RAB33B: variants seen among roughly 807,000 people sequenced by gnomAD.
The protein encoded by RAB33B is RAB33B, member RAS oncogene family, also known as ras-related protein Rab-33B.
Under a neutral mutation model 15.0 loss-of-function variants are expected in RAB33B, and 6 were observed. That is an observed-to-expected ratio of 0.40 (90% CI 0.22 to 0.79). The LOEUF is 0.79. Among genes scored for constraint, RAB33B ranks in the 30% least tolerant of loss-of-function variants. RAB33B has a pLI of 0.37. For missense variants in RAB33B, 257 were observed against 296.4 expected, an observed-to-expected ratio of 0.87 and a Z score of 0.98; for synonymous variants, 117 against 108.3, an observed-to-expected ratio of 1.08 and a Z score of -0.50.
intron 1 of RAB33B, among the ~76,000 whole-genome samples, chr4:139,466,063 T>C (rs1320300447): frequency 6.6e-6 from 1 of 152,152 alleles, no homozygotes; most frequent in African/African-American, 2.4e-5. Context: ...CAAGCTGGTT[T>C]CAAACTCCTG....
At chr4:139,448,402 T>C (rs1749863516), upstream of RAB33B, 1 of 152,246 alleles carries the variant, frequency 6.6e-6, no homozygotes, top group Non-Finnish European at 1.5e-5. Flanking sequence ...TGTTTGTGCA[T>C]ATATACACTT....
intron 1 of RAB33B, among the ~76,000 whole-genome samples, chr4:139,469,043 T>G (rs1750343943): frequency 6.6e-6 from 1 of 152,178 alleles, no homozygotes; most frequent in Admixed American, 6.5e-5. Context: ...GGTAGTCTTC[T>G]TTGGGTTAAA....
upstream of RAB33B, chr4:139,453,737 C>T (rs1749994013): frequency 6.5e-6 from 1 of 153,370 alleles, no homozygotes; most frequent in Non-Finnish European, 1.5e-5. Context: ...GGCCCTCTCG[C>T]GAGAGAGTGC....
chr4:139,453,645 G>T (rs143297061), upstream of RAB33B: 1 of 152,214 alleles, frequency 6.6e-6, no homozygotes, highest in Admixed American at 6.5e-5. Context: ...CGTCGATGCC[G>T]GAACCGACCC....
intron 1 of RAB33B, among the ~76,000 whole-genome samples, chr4:139,472,393 A>G (rs903904420): frequency 4.6e-5 from 7 of 152,212 alleles, no homozygotes; most frequent in Non-Finnish European, 8.8e-5. Flanking sequence ...TTCTCTTAAC[A>G]TTTTAAAATA....
intron 1 of RAB33B, among the ~76,000 whole-genome samples, chr4:139,461,543 G>C (rs1316744677): frequency 6.6e-6 from 1 of 152,110 alleles, no homozygotes; most frequent in Non-Finnish European, 1.5e-5. Flanking sequence ...CATGGAATGT[G>C]CTAAGCCCCA....
At chr4:139,459,130 C>CA (rs70943419) in intron 1 of RAB33B, among the ~76,000 whole-genome samples, 25,015 of 120,006 alleles carry the variant, frequency 0.21, 2,725 homozygotes, top group Non-Finnish European at 0.27. Context: ...AATCCCATCT[C>CA]AAAAAAAAAA....
chr4:139,458,460 C>A (rs576069877), intron 1 of RAB33B, among the ~76,000 whole-genome samples: 5 of 152,346 alleles, frequency 3.3e-5, no homozygotes, highest in African/African-American at 1.2e-4. Flanking sequence ...CTCCCACCTT[C>A]CACCCTTCAG....
the RAB33B span, among the ~76,000 whole-genome samples, chr4:139,439,351 C>G: frequency 6.6e-6 from 1 of 152,170 alleles, no homozygotes; most frequent in Non-Finnish European, 1.5e-5. Context: ...ACCACTTTGA[C>G]TATATTAGCT....
At chr4:139,438,486 G>A in the RAB33B span, among the ~76,000 whole-genome samples, 15 of 152,124 alleles carry the variant, frequency 9.9e-5, no homozygotes, top group African/African-American at 3.6e-4. Context: ...AGACTAGATA[G>A]GCATGTACTA....
chr4:139,438,667 G>C, the RAB33B span, among the ~76,000 whole-genome samples: 5 of 152,108 alleles, frequency 3.3e-5, no homozygotes, highest in African/African-American at 1.2e-4. Context: ...AGTCCTGGCA[G>C]GGAGTTTTCC....
At chr4:139,453,961 C>A (rs1197279983), upstream of RAB33B, 2 of 403,108 alleles carry the variant, frequency 5.0e-6, no homozygotes, top group South Asian at 5.6e-5. Flanking sequence ...CCGAGTGACG[C>A]CTGGCGTGTG....
intron 1 of RAB33B, among the ~76,000 whole-genome samples, chr4:139,464,389 T>G (rs966431990): frequency 3.8e-5 from 3 of 78,582 alleles, no homozygotes; most frequent in African/African-American, 1.2e-4. Flanking sequence ...GAATACTGTT[T>G]TTTTTTTTTT....
chr4:139,442,247 C>T, the RAB33B span, among the ~76,000 whole-genome samples: 1 of 152,152 alleles, frequency 6.6e-6, no homozygotes, highest in African/African-American at 2.4e-5. Flanking sequence ...ACTTCTCTAT[C>T]TGCAAGTTAT....
the RAB33B span, among the ~76,000 whole-genome samples, chr4:139,446,470 G>A: frequency 6.6e-6 from 1 of 152,306 alleles, no homozygotes; most frequent in Non-Finnish European, 1.5e-5. Flanking sequence ...ACTTATTCAT[G>A]GGCTGTAGCT....
intron 1 of RAB33B, among the ~76,000 whole-genome samples, chr4:139,463,920 A>G (rs1750221584): frequency 1.3e-5 from 2 of 152,154 alleles, no homozygotes; most frequent in African/African-American, 4.8e-5. Context: ...GCTTCTTTTT[A>G]GATATTCCTT....
In RAB33B at chr4:139,472,933, T is replaced by C; in HGVS notation, c.497T>C (p.Phe166Ser). The C allele has an allele frequency of 1.2e-6, 2 of 1,614,126 alleles. No homozygotes were observed. The highest frequency in any genetic ancestry group is 1.7e-6 in the Non-Finnish European group (2 of 1,180,024). The change falls in exon 2 of 2, where the codon TTT becomes TCT. Residue 166 changes from phenylalanine to serine, a missense_variant. By Grantham distance (155) the Phe-to-Ser change is radical. Coordinates refer to ENST00000305626, the MANE Select transcript of RAB33B (RefSeq NM_031296.3). Reference protein sequence around the residue: ...IQVPTDLAQKFADTHSMPLFE... With the variant: ...IQVPTDLAQKSADTHSMPLFE... ...GTACCCACAGACTTGGCACAAAAAT[T>C]TGCTGACACACACAGTATGCCTTTG... is the stretch of plus-strand genomic sequence containing the variant.
At chr4:139,451,438 G>A (rs1482216039), upstream of RAB33B, 3 of 142,964 alleles carry the variant, frequency 2.1e-5, no homozygotes, top group African/African-American at 7.9e-5. Context: ...GCAGTTTTGC[G>A]ATTTCAGCTC....
At chr4:139,444,428 T>G in the RAB33B span, among the ~76,000 whole-genome samples, 1 of 152,070 alleles carries the variant, frequency 6.6e-6, no homozygotes, top group African/African-American at 2.4e-5. Flanking sequence ...CAAAACCCCT[T>G]GAATGAAGGG....
Sources: gnomAD v4.1 joint callset for allele counts (sites outside exome capture counted in the v4.1 genomes callset) on GRCh38, gnomAD v4.1.1 for gene constraint, MANE v1.5 for transcripts, NCBI Gene and HGNC (gene_info 2026-07-23, HGNC 2026-07-21) for gene names.